The following ASIP variants were observed in gnomAD, a reference collection of about 807,000 sequenced individuals.
ASIP encodes agouti signaling protein, also known as agouti-signaling protein.
Under a neutral mutation model 10.3 loss-of-function variants are expected in ASIP, and 11 were observed. That is an observed-to-expected ratio of 1.07 (90% confidence interval 0.68 to 1.78). ASIP has a LOEUF of 1.78. ASIP is among the 40% of genes most tolerant of loss of function. The probability of loss-of-function intolerance (pLI) is 0.00; values close to 1 mark genes in which losing one functional copy is unlikely to be tolerated. For synonymous variants in ASIP, 70 were observed against 70.8 expected (o/e 0.99, Z 0.06); for missense variants, 180 against 169.2 (o/e 1.06, Z -0.35).
At chr20:34,251,348 G>T (rs1437177802) in intron 1 of ASIP, among the ~76,000 whole-genome samples, 1 of 151,398 alleles carries the variant, frequency 6.6e-6, no homozygotes, top group Non-Finnish European at 1.5e-5. Flanking sequence ...TCGGCTCACT[G>T]CAACCTCCAC....
chr20:34,223,809 G>A (rs1203817730), intron 1 of ASIP, among the ~76,000 whole-genome samples: 1 of 126,584 alleles, frequency 7.9e-6, no homozygotes, highest in Non-Finnish European at 1.7e-5. Flanking sequence ...TTGAGAAATC[G>A]GATGGTTGCC....
At chr20:34,236,951 G>A (rs74852613), upstream of ASIP, among the ~76,000 whole-genome samples, 362 of 151,962 alleles carry the variant, frequency 2.4e-3, 1 homozygote, top group African/African-American at 8.4e-3. Flanking sequence ...AGTACCATTT[G>A]TTGAAAAAAA....
chr20:34,259,782 A>G (rs1395944111), intron 1 of ASIP, among the ~76,000 whole-genome samples: 1 of 152,042 alleles, frequency 6.6e-6, no homozygotes, highest in Non-Finnish European at 1.5e-5. Context: ...CAAATAAATA[A>G]ATACATAAAT....
At chr20:34,197,422 C>T (rs963999269) in intron 1 of ASIP, among the ~76,000 whole-genome samples, 2 of 152,206 alleles carry the variant, frequency 1.3e-5, no homozygotes, top group Non-Finnish European at 2.9e-5. Flanking sequence ...CATTTTCACT[C>T]TTCCTTCGGG....
chr20:34,247,301 T>A (rs1290837555), intron 1 of ASIP, among the ~76,000 whole-genome samples: 1 of 134,456 alleles, frequency 7.4e-6, no homozygotes, highest in East Asian at 2.2e-4. Context: ...TATATGATGC[T>A]TTTTTTTTTT....
chr20:34,244,692 C>T (rs1414558239), intron 1 of ASIP, among the ~76,000 whole-genome samples: 1 of 152,186 alleles, frequency 6.6e-6, no homozygotes, highest in Non-Finnish European at 1.5e-5. Context: ...CTAATGTCTT[C>T]TAATGTCAAA....
chr20:34,216,959 C>T (rs546514375), intron 1 of ASIP, among the ~76,000 whole-genome samples: 1 of 152,160 alleles, frequency 6.6e-6, no homozygotes, highest in East Asian at 1.9e-4. Flanking sequence ...ATTTGAGGTT[C>T]TATATGATGT....
chr20:34,197,767 C>T (rs889206149), intron 1 of ASIP, among the ~76,000 whole-genome samples: 15 of 152,150 alleles, frequency 9.9e-5, no homozygotes, highest in African/African-American at 3.6e-4. Flanking sequence ...CAAGGTCATG[C>T]AGCCTGACAA....
chr20:34,250,324 G>A (rs375314784), intron 1 of ASIP, among the ~76,000 whole-genome samples: 1 of 152,176 alleles, frequency 6.6e-6, no homozygotes. Context: ...CTGTCTTCAA[G>A]AAGACTACTT....
chr20:34,249,568 T>C (rs2035439874), intron 1 of ASIP, among the ~76,000 whole-genome samples: 1 of 152,224 alleles, frequency 6.6e-6, no homozygotes, highest in African/African-American at 2.4e-5. Flanking sequence ...CCAGGCCTCG[T>C]GCTTAAAGGG....
intron 1 of ASIP, among the ~76,000 whole-genome samples, chr20:34,236,103 AGAAAG>A (rs1010687088): frequency 5.3e-5 from 8 of 151,118 alleles, no homozygotes; most frequent in East Asian, 2.0e-4. Context: ...GGAAGGAGAA[AGAAAG>A]GAAAGGAAAG....
At chr20:34,202,867 G>A (rs1229418823) in intron 1 of ASIP, among the ~76,000 whole-genome samples, 9 of 145,096 alleles carry the variant, frequency 6.2e-5, no homozygotes, top group South Asian at 4.4e-4. Flanking sequence ...GGAGTGCAGC[G>A]GCATGATCTC....
chr20:34,252,655 G>T (rs571673162), intron 1 of ASIP, among the ~76,000 whole-genome samples: 32 of 152,200 alleles, frequency 2.1e-4, no homozygotes, highest in African/African-American at 7.5e-4. Context: ...CTGCAAAGAG[G>T]CCTCCCTCTT....
intron 1 of ASIP, chr20:34,246,116 T>G: frequency 1.1e-6 from 1 of 900,638 alleles, no homozygotes; most frequent in South Asian, 1.4e-5. Flanking sequence ...TCTTTGTGCT[T>G]CTTTAAGATC....
upstream of ASIP, among the ~76,000 whole-genome samples, chr20:34,194,203 C>T (rs1391530620): frequency 6.6e-6 from 1 of 151,950 alleles, no homozygotes; most frequent in Admixed American, 6.6e-5. Context: ...AGAGAGAGAA[C>T]CAGGAATAAA....
At chr20:34,192,464 C>A (rs1601565852), upstream of ASIP, among the ~76,000 whole-genome samples, 3 of 152,090 alleles carry the variant, frequency 2.0e-5, no homozygotes, top group South Asian at 6.2e-4. Flanking sequence ...CCACCACACG[C>A]AGCTCAATTT....
rs143625874 is a variant in ASIP, at chr20:34,261,647, C to G, written c.160+1113C>G. On this transcript the variant is annotated intron_variant, in intron 2 of 3. Transcript: ENST00000374954. ...AGATCCTGTCTCAAAAACAAACAAACAAAAACTAGCCGGGAATGGTGGTGC... is the reference window on the plus strand; with the variant it reads ...AGATCCTGTCTCAAAAACAAACAAAGAAAAACTAGCCGGGAATGGTGGTGC... Among the ~76,000 whole-genome samples, 1,035 of 150,950 alleles carry G rather than the reference C, an allele frequency of 6.9e-3. 6 individuals carry two copies. Among genetic ancestry groups the G allele is most frequent in the Non-Finnish European group, 0.012 (799 of 67,704 alleles).
chr20:34,203,357 T>G (rs746114295), intron 1 of ASIP, among the ~76,000 whole-genome samples: 8 of 151,906 alleles, frequency 5.3e-5, no homozygotes, highest in Non-Finnish European at 1.2e-4. Flanking sequence ...TTATTCCCAA[T>G]TATTTTCTAT....
chr20:34,219,435 ATTT>A (rs1390680693), intron 1 of ASIP, among the ~76,000 whole-genome samples: 2 of 152,336 alleles, frequency 1.3e-5, no homozygotes, highest in East Asian at 3.9e-4. Context: ...GAGCTAGTGT[ATTT>A]GCAAAGCCAA....
Sources: gnomAD v4.1 joint callset for allele counts (sites outside exome capture counted in the v4.1 genomes callset) on GRCh38, gnomAD v4.1.1 for gene constraint, MANE v1.5 for transcripts, NCBI Gene and HGNC (gene_info 2026-07-23, HGNC 2026-07-21) for gene names.